ABHD2: variants seen among roughly 807,000 people sequenced by gnomAD.
ABHD2 encodes abhydrolase domain containing 2, acylglycerol lipase, also known as monoacylglycerol lipase ABHD2.
Under a neutral mutation model 48.1 loss-of-function variants are expected in ABHD2, and 20 were observed. The observed-to-expected ratio is 0.42, with a 90% CI of 0.29 to 0.60. ABHD2 has a LOEUF of 0.60. Ranked by LOEUF, ABHD2 falls within the 20% of genes least tolerant of loss-of-function variation. The probability of loss-of-function intolerance (pLI) is 0.24; values close to 1 mark genes in which losing one functional copy is unlikely to be tolerated. For missense variants in ABHD2, 405 were observed against 550.9 expected (o/e 0.74, Z 2.65); for synonymous variants, 209 against 214.2 (o/e 0.98, Z 0.21).
At position 89,199,078 on chromosome 15, in the gene ABHD2, C is replaced by T. The variant is rs1016807703; in HGVS notation, c.*3655C>T. On this transcript the variant is annotated 3_prime_UTR_variant, in exon 11 of 11. Transcript: ENST00000352732. This position sits in a 1 kb window ranked among gnomAD's most constrained non-coding sequence, Gnocchi z 4.1. ...TCCTGCTCAGGCTTTCATTCTAAAA[C>T]TACAGTCTTCATTAAAGCTGAACTT... The T allele has an allele frequency of 6.6e-6, 1 of 152,040 alleles. No homozygotes were observed. The highest frequency in any genetic ancestry group is 2.4e-5 in the African/African-American group (1 of 41,370). 9.4% of individuals were successfully genotyped at this position (152,040 alleles called of 1,614,324 possible).
In ABHD2 at chr15:89,197,540, A is replaced by T. The variant is rs1567117476; in HGVS notation, c.*2117A>T. ...ACCAAGCAATAACTTCCTAGGACTG[A>T]ATCACCACCCCAGAAGAGCGAGAGG... On this transcript the variant is annotated 3_prime_UTR_variant, in exon 11 of 11. Transcript: ENST00000352732. The surrounding 1 kb of genome is among the most constrained non-coding windows in gnomAD (Gnocchi z 4.4). 1 of 152,300 alleles carries T rather than the reference A, an allele frequency of 6.6e-6. No homozygotes were observed. Among genetic ancestry groups the T allele is most frequent in the Non-Finnish European group, 1.5e-5 (1 of 68,066 alleles). The allele number at this position is 152,300 out of a possible 1,614,324, so 9.4% of individuals were successfully genotyped here.
At chr15:89,156,828 AAC>A in intron 5 of ABHD2, among the ~76,000 whole-genome samples, 1 of 152,360 alleles carries the variant, frequency 6.6e-6, no homozygotes, top group Non-Finnish European at 1.5e-5. Flanking sequence ...ATAAACAATA[AAC>A]ACATAAAATA....
rs1462558809 is a variant in ABHD2, at chr15:89,116,686, C to T, written c.194+165C>T. Among the ~76,000 whole-genome samples the T allele has an allele frequency of 6.6e-6, 1 of 152,198 alleles. No individual in the cohort carries two copies. Among genetic ancestry groups the T allele is most frequent in the Non-Finnish European group, 1.5e-5 (1 of 68,032 alleles). On this transcript the variant is annotated intron_variant, in intron 3 of 10. Coordinates refer to ENST00000352732, the MANE Select transcript of ABHD2 (RefSeq NM_152924.5). This position sits in a 1 kb window ranked among gnomAD's most constrained non-coding sequence, Gnocchi z 4.6. ...CTGATTGCAGTCTAGTGTTTGAATCCTGGAGGGTAGGAGAGAATCAGATCT... is the reference window on the plus strand; with the variant it reads ...CTGATTGCAGTCTAGTGTTTGAATCTTGGAGGGTAGGAGAGAATCAGATCT...
rs2050869996 is a variant in ABHD2 at position 89,168,465 on chromosome 15, C to A, written c.539-7347C>A. Among the ~76,000 whole-genome samples, 1 of 152,156 alleles carries A rather than the reference C, an allele frequency of 6.6e-6. No individual in the cohort carries two copies. The highest frequency in any genetic ancestry group is 2.1e-4 in the South Asian group (1 of 4,824). On this transcript the variant is annotated intron_variant, in intron 5 of 10. Transcript: ENST00000352732. The surrounding 1 kb of genome is among the most constrained non-coding windows in gnomAD (Gnocchi z 4.8). ...TGGTAACTGACATCAGGGGAGGTCC[C>A]AGGAGGACCTTCCAGAAGGCTGATC... is the stretch of plus-strand genomic sequence containing the variant.
chr15:89,070,850 C>G, the ABHD2 span, among the ~76,000 whole-genome samples: 1 of 152,050 alleles, frequency 6.6e-6, no homozygotes, highest in South Asian at 2.1e-4. Flanking sequence ...TAGATTAGGT[C>G]TTAGTCCTGC....
intron 2 of ABHD2, 131 bp downstream of exon 2, chr15:89,113,955 A>G (rs1473739534): frequency 6.6e-6 from 1 of 152,262 alleles, no homozygotes; most frequent in Non-Finnish European, 1.5e-5. Flanking sequence ...GGAAACTGGT[A>G]GAAACTACTT....
At position 89,195,476 on chromosome 15, in the gene ABHD2, C is replaced by A; in HGVS notation, c.*53C>A. 6.4e-7 allele frequency: 1 copy of A among 1,566,030 alleles called. No homozygotes were observed. Among genetic ancestry groups the A allele is most frequent in the South Asian group, 1.2e-5 (1 of 85,004 alleles). ...AGCCCTCCTCTGGAAGCTGCGTCCC[C>A]TCACCCCCTGTTTCAGGTCTCCCAT... On this transcript the variant is annotated 3_prime_UTR_variant, in exon 11 of 11. Coordinates refer to ENST00000352732, the MANE Select transcript of ABHD2 (RefSeq NM_152924.5). This position sits in a 1 kb window ranked among gnomAD's most constrained non-coding sequence, Gnocchi z 5.1.
Position 89,095,000 on chromosome 15 carries a change from G to T in ABHD2, c.-107+6437G>T, listed in dbSNP as rs892234550. On this transcript the variant is annotated intron_variant, in intron 1 of 10. Transcript: ENST00000352732. This position sits in a 1 kb window ranked among gnomAD's most constrained non-coding sequence, Gnocchi z 4.7. ...AATCACTTGAACCCGGGAGGCAGAGGTTCCGGTGAGCCAAGATTGAGCTAC... is the reference window on the plus strand; with the variant it reads ...AATCACTTGAACCCGGGAGGCAGAGTTTCCGGTGAGCCAAGATTGAGCTAC... Among the ~76,000 whole-genome samples, 1 of 146,552 alleles carries T rather than the reference G, an allele frequency of 6.8e-6. No individual in the cohort carries two copies. Among genetic ancestry groups the T allele is most frequent in the Non-Finnish European group, 1.5e-5 (1 of 67,644 alleles).
At chr15:89,043,907 TTTA>T in the ABHD2 span, among the ~76,000 whole-genome samples, 4 of 152,118 alleles carry the variant, frequency 2.6e-5, no homozygotes, top group Non-Finnish European at 4.4e-5. Context: ...TTTTTAATTT[TTTA>T]TTATTATTAT....
chr15:89,193,324 G>A lies in ABHD2; in HGVS notation c.1081+5G>A. On this transcript the variant is annotated splice_donor_5th_base_variant and intron_variant, in intron 10 of 10. Coordinates refer to ENST00000352732, the MANE Select transcript of ABHD2 (RefSeq NM_152924.5). The stretch of plus-strand genomic sequence containing the variant: ...CCATTCCAAAATCTCTTTCAGGTAA[G>A]TGTTTCTTCCTGCTGCCCTCTCAAC... 1.9e-6 allele frequency: 3 copies of A among 1,611,812 alleles called. No individual in the cohort carries two copies. The highest frequency in any genetic ancestry group is 2.5e-6 in the Non-Finnish European group (3 of 1,177,828).
the ABHD2 span, among the ~76,000 whole-genome samples, chr15:89,051,951 A>G: frequency 1.8e-4 from 28 of 152,180 alleles, no homozygotes; most frequent in Admixed American, 1.4e-3. Context: ...GTGAGAAGCT[A>G]TTGGTAGACT....
intron 5 of ABHD2, among the ~76,000 whole-genome samples, chr15:89,160,748 G>A (rs756826634): frequency 6.6e-6 from 1 of 152,132 alleles, no homozygotes; most frequent in Non-Finnish European, 1.5e-5. Context: ...CATTGCAGAG[G>A]GTAGGAAGAG....
At chr15:89,144,498 C>T (rs1237681417) in intron 3 of ABHD2, among the ~76,000 whole-genome samples, 3 of 152,178 alleles carry the variant, frequency 2.0e-5, no homozygotes, top group African/African-American at 4.8e-5. Flanking sequence ...CAATGAAATA[C>T]TATTCAGCCG....
At chr15:89,144,019 T>A (rs2150872729) in intron 3 of ABHD2, among the ~76,000 whole-genome samples, 1 of 152,246 alleles carries the variant, frequency 6.6e-6, no homozygotes, top group Non-Finnish European at 1.5e-5. Flanking sequence ...ACCCAGAAAT[T>A]CCACTTCTGG....
chr15:89,200,650 G>A lies in ABHD2; in HGVS notation c.*5227G>A, dbSNP rs1166295961. On this transcript the variant is annotated 3_prime_UTR_variant, in exon 11 of 11. Transcript: ENST00000352732. The stretch of plus-strand genomic sequence containing the variant: ...TCATTAAAGGCAAAGCCTGTATGAC[G>A]CTGTACACACACAAAAAAATGGTCA... 3 of 184,954 alleles carry A rather than the reference G, an allele frequency of 1.6e-5. No individual in the cohort carries two copies. Among genetic ancestry groups the A allele is most frequent in the Non-Finnish European group, 2.4e-5 (2 of 84,148 alleles). The allele number at this position is 184,954 out of a possible 1,614,324, so 11.5% of individuals were successfully genotyped here. A position where few individuals can be genotyped will look rare whatever the true frequency, so the allele number is the denominator to read the frequency against.
At chr15:89,119,506 C>T (rs182650566) in intron 3 of ABHD2, among the ~76,000 whole-genome samples, 137 of 152,276 alleles carry the variant, frequency 9.0e-4, no homozygotes, top group Non-Finnish European at 1.6e-3. Context: ...CTTTCATAGA[C>T]GTTATGCCAT....
chr15:89,199,615 A>G lies in ABHD2; in HGVS notation c.*4192A>G, dbSNP rs1272614356. ...CACCCCTCCCTCAACAATATGAGTG[A>G]TCCAGAACTGGCCCAAACACCTCAG... On this transcript the variant is annotated 3_prime_UTR_variant, in exon 11 of 11. Coordinates refer to ENST00000352732, the MANE Select transcript of ABHD2 (RefSeq NM_152924.5). This position sits in a 1 kb window ranked among gnomAD's most constrained non-coding sequence, Gnocchi z 4.1. 1 of 150,156 alleles carries G rather than the reference A, an allele frequency of 6.7e-6. No individual in the cohort carries two copies. The highest frequency in any genetic ancestry group is 1.5e-5 in the Non-Finnish European group (1 of 67,612). The allele number at this position is 150,156 out of a possible 1,614,324, so 9.3% of individuals were successfully genotyped here. A position where few individuals can be genotyped will look rare whatever the true frequency, so the allele number is the denominator to read the frequency against.
At position 89,170,080 on chromosome 15, in the gene ABHD2, CTTTTTTTTTTTTTTTTTTT is replaced by C. The variant is rs748983183; in HGVS notation, c.539-5717_539-5699del. On this transcript the variant is annotated intron_variant, in intron 5 of 10. Coordinates refer to ENST00000352732, the MANE Select transcript of ABHD2 (RefSeq NM_152924.5). ...GAGCCATTCCATGTCAGATCAGATT[CTTTTTTTTTTTTTTTTTTT>C]TTTTTTTTTTTTTTGGAGACGGGGT... Among the ~76,000 whole-genome samples the C allele has an allele frequency of 2.6e-3, 99 of 37,514 alleles. 3 individuals carry two copies. The South Asian group carries it at 0.059, about 22-fold the overall frequency. 24.6% of individuals were successfully genotyped at this position (37,514 alleles called of 152,430 possible).
At chr15:89,153,321 A>AG (rs1370120213) in intron 4 of ABHD2, among the ~76,000 whole-genome samples, 123 of 152,346 alleles carry the variant, frequency 8.1e-4, no homozygotes, top group African/African-American at 2.9e-3. Flanking sequence ...GGCTTCTAAT[A>AG]AACAGCCATG....
Sources: gnomAD v4.1 joint callset for allele counts (sites outside exome capture counted in the v4.1 genomes callset) on GRCh38, gnomAD v4.1.1 for gene constraint, Gnocchi (gnomAD v3.1) non-coding constraint, MANE v1.5 for transcripts, NCBI Gene and HGNC (gene_info 2026-07-23, HGNC 2026-07-21) for gene names.